The following ADAM7 variants were observed in gnomAD, a reference collection of about 807,000 sequenced individuals.
The protein encoded by ADAM7 is ADAM metallopeptidase domain 7, also known as disintegrin and metalloproteinase domain-containing protein 7.
In ADAM7, 97 loss-of-function variants were observed where a neutral mutation model predicts 102.9. That is an observed-to-expected ratio of 0.94 (90% CI 0.80 to 1.12). The LOEUF is 1.12. Among genes scored for constraint, ADAM7 ranks in the 50% most tolerant of loss-of-function variants. ADAM7 has a pLI of 0.00. For synonymous variants in ADAM7, 334 were observed against 304.4 expected (o/e 1.10, Z -1.01); for missense variants, 991 against 908.7 (o/e 1.09, Z -1.16).
At chr8:24,497,777 C>G (rs1200101778) in intron 16 of ADAM7, among the ~76,000 whole-genome samples, 1 of 151,922 alleles carries the variant, frequency 6.6e-6, no homozygotes, top group Non-Finnish European at 1.5e-5. Flanking sequence ...CCTTGAATGT[C>G]AAAAATAAAG....
At chr8:24,472,992 C>A (rs1022833606) in intron 7 of ADAM7, among the ~76,000 whole-genome samples, 1 of 151,954 alleles carries the variant, frequency 6.6e-6, no homozygotes, top group Non-Finnish European at 1.5e-5. Flanking sequence ...TAGTAAAATG[C>A]TATCAAGCTG....
At chr8:24,477,115 T>C (rs1819793505) in intron 8 of ADAM7, among the ~76,000 whole-genome samples, 1 of 152,204 alleles carries the variant, frequency 6.6e-6, no homozygotes, top group Admixed American at 6.5e-5. Context: ...GGACATTTAA[T>C]CTGTTTGTAG....
chr8:24,450,480 T>A (rs1818740140), intron 3 of ADAM7, among the ~76,000 whole-genome samples: 1 of 151,556 alleles, frequency 6.6e-6, no homozygotes, highest in African/African-American at 2.4e-5. Flanking sequence ...AGAATGCTTG[T>A]GATTTTTGTA....
In ADAM7 at chr8:24,441,145, A is replaced by G. The variant is rs781437548; in HGVS notation, c.37A>G (p.Ile13Val). The part of the protein sequence containing the change: ...PGCIFLMILL[I>V]PQVKEKFILG... ...GTGTATATTCTTGATGATTTTACTC[A>G]TTCCTCAGGTTAAAGGTATGTCTTG... The change falls in exon 1 of 22, where the codon ATT becomes GTT. Residue 13 changes from isoleucine (I) to valine (V), a missense_variant. Coordinates refer to ENST00000175238, the MANE Select transcript of ADAM7 (RefSeq NM_003817.4). 19 of 1,613,574 alleles carry G rather than the reference A, an allele frequency of 1.2e-5. No homozygotes were observed. The highest frequency in any genetic ancestry group is 1.5e-5 in the Non-Finnish European group (18 of 1,179,508).
chr8:24,491,796 C>A, intron 13 of ADAM7, 107 bp from the exon 14 acceptor site: 1 of 822,462 alleles, frequency 1.2e-6, no homozygotes, highest in South Asian at 2.2e-5. Flanking sequence ...AGCTATGATC[C>A]ATCCTTAAAA....
chr8:24,462,900 C>T (rs1156999321), intron 3 of ADAM7, among the ~76,000 whole-genome samples: 1 of 152,130 alleles, frequency 6.6e-6, no homozygotes, highest in African/African-American at 2.4e-5. Flanking sequence ...ATAATTGGTA[C>T]ACCAAATTGG....
At chr8:24,454,438 G>C (rs1818924102) in intron 3 of ADAM7, among the ~76,000 whole-genome samples, 1 of 151,428 alleles carries the variant, frequency 6.6e-6, no homozygotes, top group Admixed American at 6.6e-5. Context: ...AGACTCCATG[G>C]GCGTAAGACC....
chr8:24,457,460 G>C (rs1157244168), intron 3 of ADAM7, among the ~76,000 whole-genome samples: 2 of 152,042 alleles, frequency 1.3e-5, no homozygotes, highest in Non-Finnish European at 2.9e-5. Flanking sequence ...TATTTTAGTA[G>C]AGATGGGGTT....
chr8:24,464,044 G>A (rs1819342740), intron 4 of ADAM7, 84 bp downstream of exon 4: 4 of 1,253,934 alleles, frequency 3.2e-6, no homozygotes, highest in Non-Finnish European at 4.6e-6. Context: ...AGCTGTACAA[G>A]CTGTTTCAGA....
intron 8 of ADAM7, among the ~76,000 whole-genome samples, chr8:24,477,783 G>A (rs947345267): frequency 1.3e-5 from 2 of 150,498 alleles, no homozygotes; most frequent in Non-Finnish European, 3.0e-5. Flanking sequence ...CCACAGCTTT[G>A]GACCTTCCCC....
At chr8:24,453,262 A>G (rs1284121670) in intron 3 of ADAM7, among the ~76,000 whole-genome samples, 1 of 152,046 alleles carries the variant, frequency 6.6e-6, no homozygotes, top group African/African-American at 2.4e-5. Flanking sequence ...ACTTGGTTCC[A>G]TTCTCCCCAT....
chr8:24,465,820 G>T, intron 5 of ADAM7, 45 bp downstream of exon 5: 1 of 1,424,270 alleles, frequency 7.0e-7, no homozygotes, highest in South Asian at 1.4e-5. Flanking sequence ...TTTTCCTATG[G>T]ATTTTCAAAG....
At chr8:24,465,439 A>G (rs1259746112) in intron 4 of ADAM7, among the ~76,000 whole-genome samples, 1 of 152,334 alleles carries the variant, frequency 6.6e-6, no homozygotes, top group African/African-American at 2.4e-5. Flanking sequence ...TACTGTCGTC[A>G]TTAACAGACT....
intron 1 of ADAM7, 54 bp downstream of exon 1, chr8:24,441,214 T>C (rs1818362983): frequency 3.9e-6 from 6 of 1,527,886 alleles, no homozygotes; most frequent in Middle Eastern, 3.4e-4. Context: ...AGGTTGTGTC[T>C]CTTTAGTCAC....
chr8:24,482,120 A>G (rs1053658077), intron 8 of ADAM7, 22 bp from the exon 9 acceptor site: 50 of 1,543,648 alleles, frequency 3.2e-5, no homozygotes, highest in Non-Finnish European at 4.3e-5. Flanking sequence ...ACTTTGTGAA[A>G]AATGATTTCT....
chr8:24,473,111 G>A (rs1207527710), intron 7 of ADAM7, among the ~76,000 whole-genome samples: 1 of 152,100 alleles, frequency 6.6e-6, no homozygotes, highest in African/African-American at 2.4e-5. Flanking sequence ...GATTCGTTTA[G>A]TGGCAAATTT....
At chr8:24,443,939 AAAAATAAAATAAAAT>A (rs144352481) in intron 2 of ADAM7, among the ~76,000 whole-genome samples, 24 of 145,658 alleles carry the variant, frequency 1.6e-4, no homozygotes, top group Non-Finnish European at 2.3e-4. Context: ...CTCAAAAAAT[AAAAATAAAATAAAAT>A]AAAATAAAAT....
intron 3 of ADAM7, among the ~76,000 whole-genome samples, chr8:24,451,681 C>T (rs368326261): frequency 3.3e-5 from 5 of 150,796 alleles, no homozygotes; most frequent in South Asian, 2.1e-4. Flanking sequence ...TTATTTCTTG[C>T]CTTCTGCTAG....
At chr8:24,449,674 T>C (rs957246905) in intron 3 of ADAM7, among the ~76,000 whole-genome samples, 3 of 152,168 alleles carry the variant, frequency 2.0e-5, no homozygotes, top group Admixed American at 2.0e-4. Context: ...TTTGTCAATT[T>C]TGGCTTTTGT....
Sources: gnomAD v4.1 joint callset for allele counts (sites outside exome capture counted in the v4.1 genomes callset) on GRCh38, gnomAD v4.1.1 for gene constraint, MANE v1.5 for transcripts, NCBI Gene and HGNC (gene_info 2026-07-23, HGNC 2026-07-21) for gene names.